The following SBNO1 variants were observed in gnomAD, a reference collection of about 807,000 sequenced individuals.
SBNO1 encodes the protein strawberry notch homolog 1, also known as protein strawberry notch homolog 1.
In SBNO1, 23 loss-of-function variants were observed where a neutral mutation model predicts 173.6. The ratio of observed to expected loss-of-function variants is 0.13; its 90% CI spans 0.10 to 0.19. The LOEUF (loss-of-function observed/expected upper bound fraction) is 0.19, where lower values mean the gene tolerates loss of function less well. Ranked by LOEUF, SBNO1 falls within the 10% of genes least tolerant of loss-of-function variation. SBNO1 has a pLI of 1.00. For missense variants in SBNO1, 1,238 were observed against 1,671.2 expected, an observed-to-expected ratio of 0.74 and a Z score of 4.52; for synonymous variants, 632 against 571.5, an observed-to-expected ratio of 1.11 and a Z score of -1.51.
chr12:123,355,009 G>A (rs1874278932), intron 1 of SBNO1, among the ~76,000 whole-genome samples: 1 of 152,094 alleles, frequency 6.6e-6, no homozygotes, highest in African/African-American at 2.4e-5. Context: ...GGGCAACAAA[G>A]GGAGACCCTG....
intron 1 of SBNO1, among the ~76,000 whole-genome samples, chr12:123,357,586 C>G (rs953399211): frequency 6.6e-6 from 1 of 151,832 alleles, no homozygotes; most frequent in Non-Finnish European, 1.5e-5. Context: ...ACGAAAAATA[C>G]AAAAATTAGC....
chr12:123,315,705 G>A, intron 21 of SBNO1, 45 bp from the exon 22 acceptor site: 1 of 1,051,146 alleles, frequency 9.5e-7, no homozygotes, highest in Non-Finnish European at 1.5e-6. Flanking sequence ...GTGTTCGCTG[G>A]ACAGAGAATA....
chr12:123,318,242 C>T (rs1427149383), intron 20 of SBNO1, among the ~76,000 whole-genome samples: 2 of 152,172 alleles, frequency 1.3e-5, no homozygotes, highest in African/African-American at 2.4e-5. Flanking sequence ...GAGTTCAAGA[C>T]CAGCCTGGCA....
At position 123,350,409 on chromosome 12, in the gene SBNO1, A is replaced by T. The variant is rs766399298; in HGVS notation, c.33T>A (p.Ala11=). MVEPGQDLLL[A]ALSESGISPN... ...GACTAATTCCACTCTCACTCAAAGC[A>T]GCAAGCAGTAAATCTTGCCCTGGCT... Residue 11 remains alanine (A), a synonymous_variant, in exon 2 of 32, where the codon GCT becomes GCA. Coordinates refer to ENST00000602398, the MANE Select transcript of SBNO1 (RefSeq NM_001167856.3). 1.2e-6 allele frequency: 2 copies of T among 1,614,180 alleles called. No homozygotes were observed. The highest frequency in any genetic ancestry group is 1.7e-5 in the Admixed American group (1 of 60,018).
chr12:123,332,743 T>G (rs1347406868), intron 7 of SBNO1, among the ~76,000 whole-genome samples: 1 of 151,924 alleles, frequency 6.6e-6, no homozygotes, highest in African/African-American at 2.4e-5. Flanking sequence ...ATTTTTGTAT[T>G]TTTGGTAGAG....
In SBNO1 at chr12:123,292,206, G is replaced by A. The variant is rs1404766213; in HGVS notation, c.*3702C>T. 1 of 152,100 alleles carries A rather than the reference G, an allele frequency of 6.6e-6. No individual in the cohort carries two copies. The highest frequency in any genetic ancestry group is 2.4e-5 in the African/African-American group (1 of 41,410). 9.4% of individuals were successfully genotyped at this position (152,100 alleles called of 1,614,324 possible). A position where few individuals can be genotyped will look rare whatever the true frequency, so the allele number is the denominator to read the frequency against. ...CCACGGTGTCTGCCTTTGCCATTGG[G>A]AGGCCTGAACTAATCAAACGTTCAT... On this transcript the variant is annotated 3_prime_UTR_variant, in exon 32 of 32. Transcript: ENST00000602398.
At chr12:123,364,045 A>T (rs1354099021) in intron 1 of SBNO1, 1 of 985,338 alleles carries the variant, frequency 1.0e-6, no homozygotes, top group Non-Finnish European at 1.2e-6. Context: ...CTCCATGGGT[A>T]ATTCTTAGGG....
chr12:123,331,641 C>G (rs1053670749), intron 7 of SBNO1, among the ~76,000 whole-genome samples: 1 of 152,062 alleles, frequency 6.6e-6, no homozygotes, highest in Non-Finnish European at 1.5e-5. Context: ...CCTTCCTCAG[C>G]CTCCTGAGTA....
rs780314113 is a variant in SBNO1, at chr12:123,297,988, T to C, written c.4029A>G (p.Gln1343=). ...QIVRLRTEDG[Q]RIVGLIIPAN... ...AAAAATTAGACTCACCTACAATCCGTTGCCCATCTTCCGTTCTTAGCCGCA... is the reference window on the plus strand; with the variant it reads ...AAAAATTAGACTCACCTACAATCCGCTGCCCATCTTCCGTTCTTAGCCGCA... The change falls in exon 31 of 32, where the codon CAA becomes CAG. Residue 1343 remains glutamine, a synonymous_variant. Coordinates refer to ENST00000602398, the MANE Select transcript of SBNO1 (RefSeq NM_001167856.3). 7 of 1,613,516 alleles carry C rather than the reference T, an allele frequency of 4.3e-6. No individual in the cohort carries two copies. Among genetic ancestry groups the C allele is most frequent in the African/African-American group, 1.3e-5 (1 of 74,922 alleles).
chr12:123,326,778 T>C (rs7973131), intron 13 of SBNO1, among the ~76,000 whole-genome samples: 144,930 of 152,158 alleles, frequency 0.95, 69,150 homozygotes, highest in Non-Finnish European at 0.96. Flanking sequence ...AATACAAAAA[T>C]CAGCCAGGCA....
At chr12:123,309,269 A>G in intron 28 of SBNO1, 41 bp downstream of exon 28, 2 of 1,410,316 alleles carry the variant, frequency 1.4e-6, no homozygotes, top group Non-Finnish European at 2.0e-6. Flanking sequence ...GCCATTAAAA[A>G]GTATTATATA....
chr12:123,335,496 C>T (rs1871733778), intron 6 of SBNO1, among the ~76,000 whole-genome samples: 1 of 152,100 alleles, frequency 6.6e-6, no homozygotes, highest in Non-Finnish European at 1.5e-5. Context: ...GACAACTTGG[C>T]TATAAAATTT....
At chr12:123,314,032 C>T (rs1868958530) in intron 23 of SBNO1, among the ~76,000 whole-genome samples, 2 of 151,748 alleles carry the variant, frequency 1.3e-5, no homozygotes, top group African/African-American at 4.8e-5. Flanking sequence ...TGTAGTGAGC[C>T]GAGATGGCGT....
chr12:123,345,390 G>A lies in SBNO1; in HGVS notation c.418C>T (p.Arg140Ter), dbSNP rs1463707522. The A allele has an allele frequency of 6.2e-7, 1 of 1,614,030 alleles. No individual in the cohort carries two copies. The highest frequency in any genetic ancestry group is 8.5e-7 in the Non-Finnish European group (1 of 1,180,018). ...TRPSVSAPTVRNAMTSAPSKD... is the reference protein window; with the variant it reads ...TRPSVSAPTV ...GAAGGTGCAGAGGTCATGGCATTTC[G>A]TACTGTTGGTGCTGAGACTGACGGG... is the stretch of plus-strand genomic sequence containing the variant. Residue 140 changes from arginine to a stop codon, truncating the protein, a stop_gained, in exon 4 of 32, where the codon CGA (arginine) becomes TGA (stop). Coordinates refer to ENST00000602398, the MANE Select transcript of SBNO1 (RefSeq NM_001167856.3). LOFTEE classifies it high-confidence loss of function.
At chr12:123,321,236 G>A (rs1334812171) in intron 17 of SBNO1, among the ~76,000 whole-genome samples, 1 of 152,144 alleles carries the variant, frequency 6.6e-6, no homozygotes, top group Non-Finnish European at 1.5e-5. Context: ...ACCGCGCCTG[G>A]ATGAAATTTT....
chr12:123,301,179 T>C (rs1157243734), intron 30 of SBNO1, among the ~76,000 whole-genome samples: 2 of 152,168 alleles, frequency 1.3e-5, no homozygotes, highest in East Asian at 3.9e-4. Flanking sequence ...TGCTAATTTT[T>C]TTATTTTTAG....
At chr12:123,321,905 T>TA (rs1163672831) in intron 16 of SBNO1, among the ~76,000 whole-genome samples, 173 bp from the exon 17 acceptor site, 1 of 152,142 alleles carries the variant, frequency 6.6e-6, no homozygotes, top group Non-Finnish European at 1.5e-5. Flanking sequence ...TGGACTCCCA[T>TA]AAAAAATAAG....
intron 16 of SBNO1, 57 bp from the exon 17 acceptor site, chr12:123,321,789 G>C: frequency 7.5e-7 from 1 of 1,329,674 alleles, no homozygotes; most frequent in Non-Finnish European, 1.1e-6. Flanking sequence ...TTAAGATCCA[G>C]TACATCACAT....
At chr12:123,338,243 C>A (rs1310784519) in intron 5 of SBNO1, among the ~76,000 whole-genome samples, 1 of 152,172 alleles carries the variant, frequency 6.6e-6, no homozygotes, top group Non-Finnish European at 1.5e-5. Context: ...TTCAAAATAC[C>A]ATGAAGGCCA....
Sources: allele counts gnomAD v4.1 joint callset (sites outside exome capture counted in the v4.1 genomes callset), GRCh38; gene constraint gnomAD v4.1.1; transcripts MANE v1.5; gene names NCBI Gene and HGNC (gene_info 2026-07-23, HGNC 2026-07-21).